The following ZFHX3 variants were observed in gnomAD, a reference collection of about 807,000 sequenced individuals.
ZFHX3 encodes the protein zinc finger homeobox 3.
Under a neutral mutation model 279.1 loss-of-function variants are expected in ZFHX3, and 42 were observed. The observed-to-expected ratio is 0.15, with a 90% CI of 0.12 to 0.19. The LOEUF is 0.19. ZFHX3 is among the 10% of genes least tolerant of loss of function. The pLI is 1.00. For missense variants in ZFHX3, 4,981 were observed against 4,754.0 expected, an observed-to-expected ratio of 1.05 and a Z score of -1.40; for synonymous variants, 2,293 against 1,957.8, an observed-to-expected ratio of 1.17 and a Z score of -4.52.
intron 5 of ZFHX3, among the ~76,000 whole-genome samples, chr16:73,208,279 C>T (rs2011880222): frequency 6.6e-6 from 1 of 152,164 alleles, no homozygotes; most frequent in African/African-American, 2.4e-5. Flanking sequence ...CTGTAAGAAA[C>T]TGATGTTTGT....
intron 1 of ZFHX3, among the ~76,000 whole-genome samples, chr16:73,787,867 G>C (rs892122141): frequency 1.3e-5 from 2 of 151,908 alleles, no homozygotes; most frequent in Admixed American, 1.3e-4. Context: ...GAGAGAGAGA[G>C]AGAGAGAGAG....
chr16:72,834,775 C>T (rs1194680327), intron 4 of ZFHX3, among the ~76,000 whole-genome samples: 2 of 151,606 alleles, frequency 1.3e-5, no homozygotes, highest in East Asian at 3.9e-4. Flanking sequence ...TCCCCAAACG[C>T]ATCACCCAAG....
intron 2 of ZFHX3, among the ~76,000 whole-genome samples, chr16:73,649,959 C>T (rs1162098765): frequency 6.6e-6 from 1 of 152,124 alleles, no homozygotes; most frequent in Non-Finnish European, 1.5e-5. Context: ...GGCTCTAGCA[C>T]TTGAAGAAAA....
chr16:72,954,093 G>C (rs561668852), intron 2 of ZFHX3, among the ~76,000 whole-genome samples: 2 of 152,288 alleles, frequency 1.3e-5, no homozygotes, highest in African/African-American at 4.8e-5. Flanking sequence ...ACTGGGGCTG[G>C]GCATAGTGGC....
intron 5 of ZFHX3, among the ~76,000 whole-genome samples, chr16:73,239,466 A>T (rs1207388041): frequency 6.6e-6 from 1 of 152,182 alleles, no homozygotes; most frequent in African/African-American, 2.4e-5. Context: ...TCCCTATGTT[A>T]TGCCTCAGAG....
intron 2 of ZFHX3, among the ~76,000 whole-genome samples, chr16:73,524,061 G>A (rs932801958): frequency 6.6e-6 from 1 of 152,114 alleles, no homozygotes; most frequent in African/African-American, 2.4e-5. Flanking sequence ...ACCATAGTAA[G>A]GGGTTGGCAT....
intron 1 of ZFHX3, chr16:73,014,326 G>GA (rs1448238233): frequency 6.8e-6 from 1 of 147,158 alleles, no homozygotes; most frequent in African/African-American, 2.5e-5. Flanking sequence ...TTGGAAAAAT[G>GA]AAAGCTGATT....
At chr16:73,098,346 G>A (rs1966192559) in intron 7 of ZFHX3, among the ~76,000 whole-genome samples, 1 of 151,708 alleles carries the variant, frequency 6.6e-6, no homozygotes, top group Admixed American at 6.6e-5. Context: ...GGGATTACAG[G>A]TGTGAGCCAC....
chr16:73,322,602 T>C (rs898107871), intron 3 of ZFHX3, among the ~76,000 whole-genome samples: 8 of 152,108 alleles, frequency 5.3e-5, no homozygotes, highest in African/African-American at 1.4e-4. Flanking sequence ...TTGGGAAGTG[T>C]TTTTGTAGGG....
At chr16:73,816,632 G>C (rs1017399574) in intron 1 of ZFHX3, among the ~76,000 whole-genome samples, 78 of 152,304 alleles carry the variant, frequency 5.1e-4, no homozygotes, top group African/African-American at 1.6e-3. Context: ...AAAGAGATGG[G>C]GGGGGAGAGA....
chr16:73,885,053 C>T (rs1229481861), intron 1 of ZFHX3, among the ~76,000 whole-genome samples: 2 of 151,908 alleles, frequency 1.3e-5, no homozygotes, highest in Admixed American at 6.6e-5. Context: ...TTTCCCCCCA[C>T]CCAGACCCTC....
intron 1 of ZFHX3, among the ~76,000 whole-genome samples, chr16:73,852,765 G>A (rs1204443821): frequency 6.6e-6 from 1 of 152,162 alleles, no homozygotes; most frequent in Non-Finnish European, 1.5e-5. Context: ...ATGTGATCCT[G>A]TTGGCTAGGA....
intron 1 of ZFHX3, among the ~76,000 whole-genome samples, chr16:73,857,120 CAAATTAG>C (rs1254877021): frequency 1.3e-5 from 2 of 152,122 alleles, no homozygotes; most frequent in Non-Finnish European, 2.9e-5. Context: ...GCTCAGGAAG[CAAATTAG>C]AAACTCAATA....
chr16:73,443,305 G>A (rs1216489357), intron 3 of ZFHX3, among the ~76,000 whole-genome samples: 5 of 152,316 alleles, frequency 3.3e-5, no homozygotes, highest in South Asian at 4.1e-4. Flanking sequence ...TGGAAGTTAC[G>A]GAGATGTGTG....
intron 3 of ZFHX3, among the ~76,000 whole-genome samples, chr16:73,406,503 C>G (rs948220565): frequency 2.0e-5 from 3 of 152,228 alleles, no homozygotes; most frequent in Non-Finnish European, 4.4e-5. Context: ...TAAAGACATA[C>G]CCATTTTGGC....
rs1434630665 is a variant in ZFHX3, at chr16:72,794,045, G to A, written c.8637C>T (p.Ala2879=). 1 of 1,614,082 alleles carries A rather than the reference G, an allele frequency of 6.2e-7. No individual in the cohort carries two copies. Among genetic ancestry groups the A allele is most frequent in the African/African-American group, 1.3e-5 (1 of 74,940 alleles). Reference sequence around the variant, plus strand: ...CTTCATACTCAGACATTGCCATCATGGCCGCTTTGGTCAACCCTTCGTTGG... The same window carrying A: ...CTTCATACTCAGACATTGCCATCATAGCCGCTTTGGTCAACCCTTCGTTGG... ...SAPNEGLTKA[A]MMAMSEYEDR... is the part of the protein sequence containing the mutation. Residue 2879 remains alanine (A), a synonymous_variant, in exon 9 of 10, where the codon GCC becomes GCT. Transcript: ENST00000268489. This position sits in a 1 kb window ranked among gnomAD's most constrained non-coding sequence, Gnocchi z 4.2.
chr16:73,382,526 A>G (rs927817493), intron 3 of ZFHX3, among the ~76,000 whole-genome samples: 8 of 152,204 alleles, frequency 5.3e-5, no homozygotes, highest in Admixed American at 1.3e-4. Flanking sequence ...TGTTTTAAAA[A>G]GCCCACTCAG....
At chr16:73,417,055 C>T (rs982693519) in intron 3 of ZFHX3, among the ~76,000 whole-genome samples, 12 of 152,120 alleles carry the variant, frequency 7.9e-5, no homozygotes, top group African/African-American at 2.7e-4. Context: ...ACATCACGCA[C>T]CCCGCATATA....
At chr16:73,129,496 T>C (rs1236159825) in intron 7 of ZFHX3, among the ~76,000 whole-genome samples, 1 of 151,894 alleles carries the variant, frequency 6.6e-6, no homozygotes, top group Non-Finnish European at 1.5e-5. Context: ...GTAACAGCCT[T>C]CTATGTACCT....
Sources: gnomAD v4.1 joint callset for allele counts (sites outside exome capture counted in the v4.1 genomes callset) on GRCh38, gnomAD v4.1.1 for gene constraint, Gnocchi (gnomAD v3.1) non-coding constraint, MANE v1.5 for transcripts, NCBI Gene and HGNC (gene_info 2026-07-23, HGNC 2026-07-21) for gene names.